Variants in CCNJL observed in about 807,000 individuals in gnomAD.
The protein encoded by CCNJL is cyclin-J-like protein.
Under a neutral mutation model 33.4 loss-of-function variants are expected in CCNJL, and 33 were observed. The ratio of observed to expected loss-of-function variants is 0.99; its 90% CI spans 0.75 to 1.32. The LOEUF (loss-of-function observed/expected upper bound fraction) is 1.32, where lower values mean the gene tolerates loss of function less well. Ranked by LOEUF, CCNJL falls within the 40% of genes most tolerant of loss-of-function variation. The pLI is 0.00. For missense variants in CCNJL, 512 were observed against 499.7 expected, an observed-to-expected ratio of 1.02 and a Z score of -0.23; for synonymous variants, 227 against 220.9, an observed-to-expected ratio of 1.03 and a Z score of -0.24.
At position 160,282,966 on chromosome 5, in the gene CCNJL, AATATATATATATAT is replaced by A. The variant is rs70990720; in HGVS notation, c.67-2242_67-2229del. Among the ~76,000 whole-genome samples the A allele has an allele frequency of 4.9e-3, 212 of 43,382 alleles. 5 individuals are homozygous for A. Among genetic ancestry groups the A allele is most frequent in the Admixed American group, 0.01 (25 of 2,442 alleles). 28.5% of individuals were successfully genotyped at this position (43,382 alleles called of 152,430 possible). A position where few individuals can be genotyped will look rare whatever the true frequency, so the allele number is the denominator to read the frequency against. On this transcript the variant is annotated intron_variant, in intron 2 of 5. Coordinates refer to ENST00000257536, the MANE Select transcript of CCNJL (RefSeq NM_001308173.3). ...GTGACCCAGCCATTCCAGTCCTTGG[AATATATATATATAT>A]ATATATATATATATATATATATATA...
At chr5:160,297,866 C>T (rs1442111398) in intron 2 of CCNJL, among the ~76,000 whole-genome samples, 2 of 152,176 alleles carry the variant, frequency 1.3e-5, no homozygotes, top group East Asian at 1.9e-4. Context: ...AAAGTTAACA[C>T]AAAAGGAGAG....
intron 1 of CCNJL, among the ~76,000 whole-genome samples, chr5:160,328,322 G>C (rs1763565119): frequency 6.6e-6 from 1 of 152,228 alleles, no homozygotes; most frequent in Admixed American, 6.5e-5. Flanking sequence ...ATGAGAGTGA[G>C]TTAGAGTAGG....
chr5:160,279,724 G>A (rs1762142642), intron 3 of CCNJL, among the ~76,000 whole-genome samples: 1 of 152,206 alleles, frequency 6.6e-6, no homozygotes, highest in Admixed American at 6.5e-5. Context: ...TCTATGACAA[G>A]AGGGGGCTTG....
chr5:160,293,600 C>T (rs1437792284), intron 2 of CCNJL, among the ~76,000 whole-genome samples: 1 of 152,122 alleles, frequency 6.6e-6, no homozygotes, highest in Admixed American at 6.5e-5. Flanking sequence ...TCTGTGCGCA[C>T]GCATGTCCAC....
intron 2 of CCNJL, among the ~76,000 whole-genome samples, chr5:160,282,200 CTCATTCAT>C (rs370470217): frequency 2.0e-5 from 3 of 152,254 alleles, no homozygotes; most frequent in African/African-American, 2.4e-5. Flanking sequence ...GGGATATCTG[CTCATTCAT>C]TCATTCATTC....
chr5:160,312,272 G>A (rs946028748), intron 1 of CCNJL, 92 bp downstream of exon 1: 2 of 342,210 alleles, frequency 5.8e-6, no homozygotes, highest in African/African-American at 2.2e-5. Flanking sequence ...GGCTCTGGCG[G>A]CGGCCACAGG....
chr5:160,297,703 T>C (rs1339052241), intron 2 of CCNJL, among the ~76,000 whole-genome samples: 1 of 148,080 alleles, frequency 6.8e-6, no homozygotes, highest in African/African-American at 2.5e-5. Flanking sequence ...CCCTGAAGTA[T>C]TAAGGGATAA....
At chr5:160,257,641 C>T (rs971448394) in intron 4 of CCNJL, among the ~76,000 whole-genome samples, 3 of 150,218 alleles carry the variant, frequency 2.0e-5, no homozygotes, top group South Asian at 2.1e-4. Flanking sequence ...AGCGAGACCC[C>T]GTTCTCCACA....
intron 3 of CCNJL, among the ~76,000 whole-genome samples, chr5:160,277,746 T>A (rs1456287167): frequency 6.8e-6 from 1 of 147,172 alleles, no homozygotes; most frequent in African/African-American, 2.5e-5. Flanking sequence ...GTCTATCTGT[T>A]TTTTTTTTTT....
At chr5:160,274,650 CA>C (rs1244715746) in intron 3 of CCNJL, among the ~76,000 whole-genome samples, 1 of 152,212 alleles carries the variant, frequency 6.6e-6, no homozygotes, top group African/African-American at 2.4e-5. Flanking sequence ...GGGAGGAGGA[CA>C]GGGGCCAGCA....
chr5:160,329,153 CA>C (rs1390074529), intron 1 of CCNJL, among the ~76,000 whole-genome samples: 2 of 152,048 alleles, frequency 1.3e-5, no homozygotes, highest in East Asian at 3.9e-4. Context: ...ATTTATGAGA[CA>C]AAAAAACATT....
chr5:160,320,892 T>C (rs1431169791), intron 1 of CCNJL, among the ~76,000 whole-genome samples: 1 of 149,362 alleles, frequency 6.7e-6, no homozygotes, highest in Admixed American at 6.7e-5. Context: ...TTTTTCTTTC[T>C]TTCTTCCCTC....
intron 2 of CCNJL, among the ~76,000 whole-genome samples, chr5:160,310,330 G>A (rs1373717675): frequency 6.6e-6 from 1 of 152,180 alleles, no homozygotes; most frequent in Non-Finnish European, 1.5e-5. Context: ...TGGCCACTCT[G>A]TTCTGGGAAG....
chr5:160,303,849 C>G (rs538390661), intron 2 of CCNJL, among the ~76,000 whole-genome samples: 14 of 152,126 alleles, frequency 9.2e-5, no homozygotes, highest in African/African-American at 3.1e-4. Context: ...TCCCTTTACC[C>G]GAGGGACTGT....
At chr5:160,290,595 C>T (rs1408612469) in intron 2 of CCNJL, among the ~76,000 whole-genome samples, 2 of 152,080 alleles carry the variant, frequency 1.3e-5, no homozygotes, top group South Asian at 2.1e-4. Context: ...AAAGGTGTTT[C>T]AGGCTCATGC....
chr5:160,257,116 C>T (rs965749818), intron 4 of CCNJL, among the ~76,000 whole-genome samples: 3 of 152,000 alleles, frequency 2.0e-5, no homozygotes, highest in Admixed American at 2.0e-4. Flanking sequence ...CATGGTAGCT[C>T]TCACTTGTAA....
At chr5:160,329,640 C>T (rs1268483453) in intron 1 of CCNJL, among the ~76,000 whole-genome samples, 3 of 152,158 alleles carry the variant, frequency 2.0e-5, no homozygotes, top group South Asian at 2.1e-4. Flanking sequence ...TGAGCCACTA[C>T]GCCCGGCCTC....
chr5:160,291,800 G>T (rs910586842), intron 2 of CCNJL, among the ~76,000 whole-genome samples: 2 of 152,214 alleles, frequency 1.3e-5, no homozygotes, highest in African/African-American at 2.4e-5. Flanking sequence ...CTTACAAAAA[G>T]CGCATGGCAG....
intron 3 of CCNJL, 87 bp downstream of exon 3, chr5:160,280,437 CA>C (rs1397273978): frequency 9.2e-6 from 10 of 1,086,722 alleles, no homozygotes; most frequent in Non-Finnish European, 1.4e-5. Context: ...CAAAGATCGT[CA>C]AAATGTAAAG....
Sources: gnomAD v4.1 joint callset for allele counts (sites outside exome capture counted in the v4.1 genomes callset) on GRCh38, gnomAD v4.1.1 for gene constraint, MANE v1.5 for transcripts, NCBI Gene and HGNC (gene_info 2026-07-23, HGNC 2026-07-21) for gene names.